Variants in MYNN observed in about 807,000 individuals in gnomAD.
The protein encoded by MYNN is myoneurin.
Under a neutral mutation model 57.2 loss-of-function variants are expected in MYNN, and 22 were observed. The observed-to-expected ratio is 0.38, with a 90% CI of 0.27 to 0.55. The LOEUF is 0.55. Among genes scored for constraint, MYNN ranks in the 20% least tolerant of loss-of-function variants. The pLI is 0.71. For missense variants in MYNN, 566 were observed against 723.1 expected, an observed-to-expected ratio of 0.78 and a Z score of 2.49; for synonymous variants, 241 against 257.1, an observed-to-expected ratio of 0.94 and a Z score of 0.60.
chr3:169,776,233 C>T (rs747011938), intron 2 of MYNN, among the ~76,000 whole-genome samples: 5 of 152,160 alleles, frequency 3.3e-5, no homozygotes, highest in Non-Finnish European at 7.4e-5. Flanking sequence ...ACATATCTTT[C>T]CTGGAGACTG....
chr3:169,775,500 T>G (rs868098562), intron 2 of MYNN, among the ~76,000 whole-genome samples: 3 of 152,186 alleles, frequency 2.0e-5, no homozygotes, highest in Admixed American at 1.3e-4. Flanking sequence ...TCAGTCGCTA[T>G]GTCTCCTTGA....
At chr3:169,777,482 T>G (rs888836577) in intron 2 of MYNN, 19 of 149,126 alleles carry the variant, frequency 1.3e-4, no homozygotes, top group Non-Finnish European at 2.1e-4. Context: ...GGGTAAGGGG[T>G]GTGTGTGTGT....
rs551881387 is a variant in MYNN at position 169,776,150 on chromosome 3, C to G, written c.266+1589C>G. Among the ~76,000 whole-genome samples, 3 of 152,254 alleles carry G rather than the reference C, an allele frequency of 2.0e-5. No homozygotes were observed. The South Asian group carries it at 6.2e-4, about 32-fold the overall frequency. On this transcript the variant is annotated intron_variant, in intron 2 of 7. Coordinates refer to ENST00000349841, the MANE Select transcript of MYNN (RefSeq NM_018657.5). ...ATCTTCATTTGAATACACGGTAGAG[C>G]ACTTTTCTTTGAGACTTCATGCAAA...
rs752787469 is a variant in MYNN, at chr3:169,779,321, A to G, written c.820A>G (p.Met274Val). 25 of 1,614,070 alleles carry G rather than the reference A, an allele frequency of 1.5e-5. No homozygotes were observed. Among genetic ancestry groups the G allele is most frequent in the South Asian group, 2.2e-5 (2 of 91,092 alleles). ...QPNCALKEHS[M>V]SNIASVKSPY... ...AAACTGTGCTCTGAAAGAACACTCT[A>G]TGTCTAATATAGCCAGCGTCAAGAG... Residue 274 changes from methionine to valine, a missense_variant, in exon 3 of 8, where the codon ATG becomes GTG. Met to Val is a conservative substitution (Grantham distance 21). Coordinates refer to ENST00000349841, the MANE Select transcript of MYNN (RefSeq NM_018657.5).
chr3:169,788,106 C>T lies in MYNN; in HGVS notation c.*1428C>T, dbSNP rs1190576987. On this transcript the variant is annotated 3_prime_UTR_variant, in exon 8 of 8. Transcript: ENST00000349841. The stretch of plus-strand genomic sequence containing the variant: ...ATATGTTTTTTATTGGTATTGATTT[C>T]TTTAATTCATTAATTTTCTCTATTT... The T allele has an allele frequency of 6.6e-6, 1 of 151,800 alleles. No homozygotes were observed. The highest frequency in any genetic ancestry group is 1.9e-4 in the East Asian group (1 of 5,198). 9.4% of individuals were successfully genotyped at this position (151,800 alleles called of 1,614,324 possible).
rs774547036 is a variant in MYNN at position 169,789,282 on chromosome 3, G to A, written c.*2604G>A. 5.9e-5 allele frequency: 9 copies of A among 152,096 alleles called. No homozygotes were observed. The highest frequency in any genetic ancestry group is 1.2e-4 in the Non-Finnish European group (8 of 68,002). The allele number at this position is 152,096 out of a possible 1,614,324, so 9.4% of individuals were successfully genotyped here. On this transcript the variant is annotated 3_prime_UTR_variant, in exon 8 of 8. Coordinates refer to ENST00000349841, the MANE Select transcript of MYNN (RefSeq NM_018657.5). The stretch of plus-strand genomic sequence containing the variant: ...TTCTATCAGTTTCATTCCAACAGTA[G>A]CTAATTTCTGTGTTTCAGTCCTACA...
At chr3:169,783,314 C>T (rs985270130) in intron 5 of MYNN, among the ~76,000 whole-genome samples, 163 bp from the exon 6 acceptor site, 3 of 151,942 alleles carry the variant, frequency 2.0e-5, no homozygotes, top group Non-Finnish European at 2.9e-5. Flanking sequence ...ACAATAATTA[C>T]TAATATTCAT....
chr3:169,786,532 C>T lies in MYNN; in HGVS notation c.1687C>T (p.Pro563Ser). 6.2e-7 allele frequency: 1 copy of T among 1,613,688 alleles called. No individual in the cohort carries two copies. Among genetic ancestry groups the T allele is most frequent in the Middle Eastern group, 1.7e-4 (1 of 6,060 alleles). Residue 563 changes from proline to serine, a missense_variant, in exon 8 of 8, where the codon CCA (proline) becomes TCA (serine). Around this residue, in one of 4 missense-constraint regions of MYNN, gnomAD observed 156 missense variants for 163.9 expected, o/e 0.95. Coordinates refer to ENST00000349841, the MANE Select transcript of MYNN (RefSeq NM_018657.5). Reference sequence around the variant, plus strand: ...TGTGAAGCCTTCTGATATGACTTTACCATTAGCTCTTCCACTTGGGACTGA... The same window carrying T: ...TGTGAAGCCTTCTGATATGACTTTATCATTAGCTCTTCCACTTGGGACTGA... ...MDVKPSDMTL[P>S]LALPLGTEDH...
intron 4 of MYNN, among the ~76,000 whole-genome samples, chr3:169,781,936 A>G (rs1778530814): frequency 6.6e-6 from 1 of 152,280 alleles, no homozygotes; most frequent in East Asian, 1.9e-4. Context: ...GGGAGACATC[A>G]GTATATTTGT....
chr3:169,786,360 CAG>C (rs1298426272), intron 7 of MYNN, 54 bp from the exon 8 acceptor site: 11 of 1,514,644 alleles, frequency 7.3e-6, no homozygotes, highest in African/African-American at 1.4e-5. Flanking sequence ...TAGTCTACCT[CAG>C]GGGTTTAGTT....
At chr3:169,783,702 T>C in intron 6 of MYNN, 142 bp downstream of exon 6, 1 of 721,412 alleles carries the variant, frequency 1.4e-6, no homozygotes, top group East Asian at 2.6e-5. Context: ...AAATATCAAC[T>C]TATTTGCTTA....
intron 3 of MYNN, chr3:169,779,832 C>T (rs768326337): frequency 9.3e-6 from 4 of 428,730 alleles, no homozygotes; most frequent in Admixed American, 3.9e-5. Context: ...TTAACAGAGA[C>T]AAAGACATTA....
Position 169,778,794 on chromosome 3 carries a change from C to T in MYNN, c.293C>T (p.Ala98Val), listed in dbSNP as rs1418047049. The change falls in exon 3 of 8, where the codon GCT becomes GTT. Residue 98 changes from alanine to valine, a missense_variant. Transcript: ENST00000349841. Reference protein sequence around the residue: ...DSWNVKEIHQAADYLKVEEVV... With the variant: ...DSWNVKEIHQVADYLKVEEVV... ...TGGAATGTTAAAGAAATTCATCAGG[C>T]TGCTGACTATCTCAAAGTGGAAGAG... is the stretch of plus-strand genomic sequence containing the variant. The T allele has an allele frequency of 1.9e-6, 3 of 1,603,562 alleles. No homozygotes were observed. The African/African-American group carries it at 4.0e-5, about 22-fold the overall frequency.
rs1778708098 is a variant in MYNN, at chr3:169,787,524, T to G, written c.*846T>G. 1 of 152,132 alleles carries G rather than the reference T, an allele frequency of 6.6e-6. No individual in the cohort carries two copies. Among genetic ancestry groups the G allele is most frequent in the African/African-American group, 2.4e-5 (1 of 41,448 alleles). The allele number at this position is 152,132 out of a possible 1,614,324, so 9.4% of individuals were successfully genotyped here. On this transcript the variant is annotated 3_prime_UTR_variant, in exon 8 of 8. Coordinates refer to ENST00000349841, the MANE Select transcript of MYNN (RefSeq NM_018657.5). ...CCTCTCTTACTCCTGTTATGCACTT[T>G]TTAAAATAAATACTGAATTCCAGAA... is the stretch of plus-strand genomic sequence containing the variant.
In MYNN at chr3:169,778,988, A is replaced by T. The variant is rs1269190446; in HGVS notation, c.487A>T (p.Ile163Phe). The T allele has an allele frequency of 6.2e-7, 1 of 1,613,822 alleles. No individual in the cohort carries two copies. The highest frequency in any genetic ancestry group is 1.7e-5 in the Admixed American group (1 of 60,028). The change falls in exon 3 of 8, where the codon ATT becomes TTT. Residue 163 changes from isoleucine (I) to phenylalanine (F), a missense_variant. Coordinates refer to ENST00000349841, the MANE Select transcript of MYNN (RefSeq NM_018657.5). ...GAAATCAGAAGTATCTACAGATTTG[A>T]TTCAGGCAAATCCTAAACAAGGCGC... ...REKSEVSTDL[I>F]QANPKQGALA...
At position 169,779,048 on chromosome 3, in the gene MYNN, A is replaced by G; in HGVS notation, c.547A>G (p.Lys183Glu). 1 of 1,614,126 alleles carries G rather than the reference A, an allele frequency of 6.2e-7. No homozygotes were observed. The highest frequency in any genetic ancestry group is 8.5e-7 in the Non-Finnish European group (1 of 1,180,040). The change falls in exon 3 of 8, where the codon AAG (lysine) becomes GAG (glutamate). Residue 183 changes from lysine (K) to glutamate (E), a missense_variant. Lys to Glu is a moderately conservative substitution (Grantham distance 56, BLOSUM62 1). Around this residue, in one of 4 missense-constraint regions of MYNN, gnomAD observed 261 missense variants for 280.8 expected, o/e 0.93. Transcript: ENST00000349841. ...AKKSSQTKKK[K>E]KAFNSPKTGQ... ...AAAGTCATCTCAAACGAAAAAGAAG[A>G]AGAAGGCTTTCAACTCCCCGAAAAC...
At chr3:169,777,218 T>A (rs758965912) in intron 2 of MYNN, 1 of 152,210 alleles carries the variant, frequency 6.6e-6, no homozygotes, top group Non-Finnish European at 1.5e-5. Context: ...AATTAGAAGA[T>A]GATGAGAACA....
rs376620710 is a variant in MYNN, at chr3:169,774,508, T to C, written c.213T>C (p.Asp71=). Residue 71 remains aspartate, a synonymous_variant, in exon 2 of 8, where the codon GAT becomes GAC. Coordinates refer to ENST00000349841, the MANE Select transcript of MYNN (RefSeq NM_018657.5). ...TTGATCAGAGTCAGGTGAAGGCTGA[T>C]GGATTTCAGAAACTGTTGGAGTTTA... ...VFLDQSQVKA[D]GFQKLLEFIY... is the part of the protein sequence containing the mutation. 36 of 1,613,968 alleles carry C rather than the reference T, an allele frequency of 2.2e-5. No homozygotes were observed. The highest frequency in any genetic ancestry group is 3.0e-5 in the Non-Finnish European group (35 of 1,180,004).
At chr3:169,779,707 G>A in intron 3 of MYNN, 146 bp downstream of exon 3, 1 of 826,918 alleles carries the variant, frequency 1.2e-6, no homozygotes. Flanking sequence ...TTAAACTGTT[G>A]AAAATTTATT....
Sources: gnomAD v4.1 joint callset for allele counts (sites outside exome capture counted in the v4.1 genomes callset) on GRCh38, gnomAD v4.1.1 for gene constraint, gnomAD v4.1.1 regional missense constraint, MANE v1.5 for transcripts, NCBI Gene and HGNC (gene_info 2026-07-23, HGNC 2026-07-21) for gene names.